LRRTM4: variants seen among roughly 807,000 people sequenced by gnomAD.
LRRTM4 encodes leucine rich repeat transmembrane neuronal 4.
A neutral mutation model predicts 47.6 loss-of-function variants in LRRTM4; 25 were observed. That is an observed-to-expected ratio of 0.53 (90% CI 0.38 to 0.73). The LOEUF is 0.73. LRRTM4 is among the 30% of genes least tolerant of loss of function. The pLI is 0.00. For missense variants in LRRTM4, 638 were observed against 713.4 expected, an observed-to-expected ratio of 0.89 and a Z score of 1.20; for synonymous variants, 311 against 269.5, an observed-to-expected ratio of 1.15 and a Z score of -1.51.
intron 3 of LRRTM4, among the ~76,000 whole-genome samples, chr2:76,807,400 G>T (rs7560540): frequency 1.7e-5 from 1 of 59,632 alleles, no homozygotes; most frequent in Non-Finnish European, 3.0e-5. Flanking sequence ...ATATATATAT[G>T]TATATACGTA....
intron 3 of LRRTM4, among the ~76,000 whole-genome samples, chr2:77,472,364 C>T (rs149583189): frequency 6.6e-6 from 1 of 152,216 alleles, no homozygotes; most frequent in African/African-American, 2.4e-5. Flanking sequence ...AAAGAAATTA[C>T]ATACTGATTG....
chr2:77,005,959 C>G (rs1044844936), intron 3 of LRRTM4, among the ~76,000 whole-genome samples: 2 of 151,952 alleles, frequency 1.3e-5, no homozygotes, highest in Non-Finnish European at 2.9e-5. Context: ...AACTGAGGCA[C>G]AAAGAGGATA....
rs1394929663 is a variant in LRRTM4 at position 77,083,827 on chromosome 2, C to T, written c.1552-334911G>A. Among the ~76,000 whole-genome samples the T allele has an allele frequency of 4.9e-5, 3 of 61,138 alleles. No individual in the cohort carries two copies. In the East Asian group the frequency reaches 1.1e-3, roughly 22 times the overall value. 40.1% of individuals were successfully genotyped at this position (61,138 alleles called of 152,430 possible). A position where few individuals can be genotyped will look rare whatever the true frequency, so the allele number is the denominator to read the frequency against. On this transcript the variant is annotated intron_variant, in intron 3 of 3. Coordinates refer to ENST00000409884, the MANE Select transcript of LRRTM4 (RefSeq NM_001134745.3). Reference sequence around the variant, plus strand: ...TTTTTTTTTTTTTTTTTTTTTCAGACGGAGTCTCGCTCTGTCGCCCAGGCT... The same window carrying T: ...TTTTTTTTTTTTTTTTTTTTTCAGATGGAGTCTCGCTCTGTCGCCCAGGCT...
chr2:76,752,442 T>A (rs1672884454), intron 3 of LRRTM4, among the ~76,000 whole-genome samples: 1 of 152,128 alleles, frequency 6.6e-6, no homozygotes, highest in Non-Finnish European at 1.5e-5. Flanking sequence ...TTGCAGTTTA[T>A]TTTTTTACAG....
At chr2:76,872,905 C>T (rs1029675262) in intron 3 of LRRTM4, among the ~76,000 whole-genome samples, 1 of 152,090 alleles carries the variant, frequency 6.6e-6, no homozygotes, top group Non-Finnish European at 1.5e-5. Context: ...CCCTTGCTCC[C>T]TCTCTTGCCA....
At chr2:77,017,981 A>G (rs1678129817) in intron 3 of LRRTM4, among the ~76,000 whole-genome samples, 2 of 151,960 alleles carry the variant, frequency 1.3e-5, no homozygotes, top group East Asian at 1.9e-4. Context: ...TATATTTTAT[A>G]TATAAATAAG....
chr2:76,911,832 G>A (rs145436897), intron 3 of LRRTM4, among the ~76,000 whole-genome samples: 238 of 150,822 alleles, frequency 1.6e-3, no homozygotes, highest in Middle Eastern at 6.8e-3. Flanking sequence ...GTGTGCCTGT[G>A]TGTGTGTATA....
Position 76,950,108 on chromosome 2 carries a change from T to G in LRRTM4, c.1552-201192A>C, listed in dbSNP as rs117938183. ...ATTATGAAAACAGTAGTGGTAATGG[T>G]GACACATAGGAAAAATAGTTAAGCA... is the stretch of plus-strand genomic sequence containing the variant. On this transcript the variant is annotated intron_variant, in intron 3 of 3. Transcript: ENST00000409884. 3.6e-3 allele frequency among the ~76,000 whole-genome samples: 542 copies of G among 152,048 alleles called. 24 individuals are homozygous for G. In the South Asian group the frequency reaches 0.069, roughly 19 times the overall value.
At chr2:76,801,199 A>G (rs1009792399) in intron 3 of LRRTM4, among the ~76,000 whole-genome samples, 1 of 152,172 alleles carries the variant, frequency 6.6e-6, no homozygotes, top group African/African-American at 2.4e-5. Flanking sequence ...TTGCTGCTAT[A>G]AAGACACATG....
intron 3 of LRRTM4, among the ~76,000 whole-genome samples, chr2:77,139,976 G>A (rs10206981): frequency 6.6e-6 from 1 of 151,998 alleles, no homozygotes; most frequent in Admixed American, 6.6e-5. Flanking sequence ...AATAAAAGAG[G>A]ACCCCAAAAA....
At chr2:77,361,771 A>G (rs929791929) in intron 3 of LRRTM4, among the ~76,000 whole-genome samples, 3 of 152,140 alleles carry the variant, frequency 2.0e-5, no homozygotes, top group East Asian at 1.9e-4. Context: ...CCTTTTTAAT[A>G]CTTCTTAACT....
chr2:77,314,249 T>C (rs963048276), intron 3 of LRRTM4, among the ~76,000 whole-genome samples: 1 of 152,204 alleles, frequency 6.6e-6, no homozygotes, highest in Non-Finnish European at 1.5e-5. Context: ...GTAGGTACAT[T>C]TTTCTTGGTT....
At chr2:76,962,956 A>G (rs1183154306) in intron 3 of LRRTM4, among the ~76,000 whole-genome samples, 2 of 150,812 alleles carry the variant, frequency 1.3e-5, no homozygotes, top group African/African-American at 2.4e-5. Flanking sequence ...CACGTGCACC[A>G]TCAGATCAGT....
intron 3 of LRRTM4, among the ~76,000 whole-genome samples, chr2:77,065,891 G>T (rs753852195): frequency 1.2e-4 from 18 of 152,220 alleles, no homozygotes; most frequent in Admixed American, 1.3e-4. Flanking sequence ...TATCTCACAT[G>T]AAATGAGATC....
At chr2:77,260,708 C>T (rs1271856102) in intron 3 of LRRTM4, among the ~76,000 whole-genome samples, 2 of 151,604 alleles carry the variant, frequency 1.3e-5, no homozygotes, top group African/African-American at 2.4e-5. Context: ...TAGCATTTTT[C>T]ATAGGTGATT....
At chr2:77,088,977 G>T (rs1572947632) in intron 3 of LRRTM4, among the ~76,000 whole-genome samples, 1 of 151,812 alleles carries the variant, frequency 6.6e-6, no homozygotes, top group South Asian at 2.1e-4. Flanking sequence ...CGTTTTATCC[G>T]TGGACCCAAA....
At chr2:77,149,099 G>GT (rs1672348259) in intron 3 of LRRTM4, among the ~76,000 whole-genome samples, 1 of 152,126 alleles carries the variant, frequency 6.6e-6, no homozygotes, top group Admixed American at 6.5e-5. Context: ...AGTAAGTACT[G>GT]TGACCACTAG....
chr2:77,167,751 A>G (rs1573031129), intron 3 of LRRTM4, among the ~76,000 whole-genome samples: 1 of 152,260 alleles, frequency 6.6e-6, no homozygotes, highest in East Asian at 1.9e-4. Context: ...GAATTAAACA[A>G]TGAGAACATT....
chr2:76,933,052 C>T (rs1243749628), intron 3 of LRRTM4, among the ~76,000 whole-genome samples: 3 of 152,136 alleles, frequency 2.0e-5, no homozygotes, highest in Admixed American at 6.5e-5. Context: ...TCCTCACATC[C>T]TATTTTTTTA....
Sources: allele counts gnomAD v4.1 joint callset (sites outside exome capture counted in the v4.1 genomes callset), GRCh38; gene constraint gnomAD v4.1.1; transcripts MANE v1.5; gene names NCBI Gene and HGNC (gene_info 2026-07-23, HGNC 2026-07-21).